The following CEP162 variants were observed in gnomAD, a reference collection of about 807,000 sequenced individuals.
The protein encoded by CEP162 is centrosomal protein of 162 kDa.
In CEP162, 141 loss-of-function variants were observed where a neutral mutation model predicts 169.2. The observed-to-expected ratio is 0.83, with a 90% CI of 0.73 to 0.96. CEP162 has a LOEUF of 0.96. Among genes scored for constraint, CEP162 ranks in the 40% least tolerant of loss-of-function variants. CEP162 has a pLI of 0.00. For synonymous variants in CEP162, 540 were observed against 526.4 expected (o/e 1.03, Z -0.35); for missense variants, 1,600 against 1,587.2 (o/e 1.01, Z -0.14).
intron 2 of CEP162, among the ~76,000 whole-genome samples, chr6:84,223,233 G>C (rs2127758856): frequency 6.6e-6 from 1 of 152,272 alleles, no homozygotes; most frequent in East Asian, 1.9e-4. Context: ...GGGCGTGGTG[G>C]CTCACACCTG....
At chr6:84,162,779 G>A (rs889083545) in intron 19 of CEP162, among the ~76,000 whole-genome samples, 1 of 152,080 alleles carries the variant, frequency 6.6e-6, no homozygotes, top group Non-Finnish European at 1.5e-5. Flanking sequence ...ATAAAACCCA[G>A]TGCACTACTA....
intron 6 of CEP162, among the ~76,000 whole-genome samples, chr6:84,208,977 G>A (rs2099548405): frequency 6.6e-6 from 1 of 152,230 alleles, no homozygotes; most frequent in African/African-American, 2.4e-5. Flanking sequence ...GGAAAGAGGA[G>A]ATATGGGAGA....
chr6:84,163,819 G>C (rs2099526703), intron 18 of CEP162, among the ~76,000 whole-genome samples: 1 of 151,686 alleles, frequency 6.6e-6, no homozygotes, highest in Non-Finnish European at 1.5e-5. Flanking sequence ...TACAAAATTA[G>C]CCAGGCAAGG....
At chr6:84,155,640 G>A (rs1475738495) in intron 21 of CEP162, 130 bp from the exon 22 acceptor site, 6 of 639,044 alleles carry the variant, frequency 9.4e-6, no homozygotes, top group Admixed American at 3.0e-5. Flanking sequence ...ATCTTGCTGA[G>A]GACCAAATCA....
chr6:84,192,831 A>G (rs995990902), intron 11 of CEP162, among the ~76,000 whole-genome samples: 6 of 152,212 alleles, frequency 3.9e-5, no homozygotes, highest in Admixed American at 2.0e-4. Flanking sequence ...TTAGGCTTCA[A>G]TCTTCTTGTC....
chr6:84,134,919 T>C (rs59633323), intron 25 of CEP162, among the ~76,000 whole-genome samples: 2,565 of 148,426 alleles, frequency 0.017, 135 homozygotes, highest in African/African-American at 0.058. Context: ...AGATCATATA[T>C]ACACACACAC....
At chr6:84,189,135 TCTGCCTCTTGGGTTCAAGCGATTCTC>T (rs1376816101) in intron 11 of CEP162, among the ~76,000 whole-genome samples, 1 of 151,932 alleles carries the variant, frequency 6.6e-6, no homozygotes, top group East Asian at 1.9e-4. Flanking sequence ...CACTGAAACC[TCTGCCTCTTGGGTTCAAGCGATTCTC>T]CTGCCTCAGC....
intron 9 of CEP162, among the ~76,000 whole-genome samples, chr6:84,199,680 T>C (rs1235369134): frequency 6.6e-6 from 1 of 152,098 alleles, no homozygotes; most frequent in Non-Finnish European, 1.5e-5. Context: ...CCAGTATCCA[T>C]AGACTGCAAA....
intron 19 of CEP162, among the ~76,000 whole-genome samples, chr6:84,162,552 T>C (rs1002917372): frequency 6.6e-6 from 1 of 152,158 alleles, no homozygotes; most frequent in African/African-American, 2.4e-5. Flanking sequence ...CTCTAAGTTA[T>C]AGAACATACT....
intron 11 of CEP162, among the ~76,000 whole-genome samples, chr6:84,192,510 A>C (rs140008101): frequency 1.1e-3 from 160 of 152,348 alleles, no homozygotes; most frequent in Non-Finnish European, 1.8e-3. Context: ...TTAGCATTGA[A>C]GTGAATGAAT....
rs1356183445 is a variant in CEP162 at position 84,139,888 on chromosome 6, A to G, written c.3870+6799T>C. On this transcript the variant is annotated intron_variant, in intron 25 of 26. Transcript: ENST00000403245. ...GAGAAGGAGAATCACAGGACAGAACACAGACATAGGTCATATAAGCCTGTT... is the reference window on the plus strand; with the variant it reads ...GAGAAGGAGAATCACAGGACAGAACGCAGACATAGGTCATATAAGCCTGTT... Among the ~76,000 whole-genome samples the G allele has an allele frequency of 4.4e-5, 6 of 136,738 alleles. No homozygotes were observed. In the South Asian group the frequency reaches 1.3e-3, roughly 29 times the overall value. The allele number at this position is 136,738 out of a possible 152,430, so 89.7% of individuals were successfully genotyped here.
At chr6:84,177,587 C>T (rs1380670988) in intron 13 of CEP162, among the ~76,000 whole-genome samples, 1 of 152,132 alleles carries the variant, frequency 6.6e-6, no homozygotes, top group Non-Finnish European at 1.5e-5. Flanking sequence ...CTAGGCTGGA[C>T]TGCCATGGTG....
intron 25 of CEP162, among the ~76,000 whole-genome samples, chr6:84,128,857 G>A (rs1428315593): frequency 1.1e-4 from 8 of 74,532 alleles, no homozygotes; most frequent in Non-Finnish European, 1.6e-4. Flanking sequence ...CCAACCCCCC[G>A]ACAGGCCCCG....
chr6:84,152,871 T>C lies in CEP162; in HGVS notation c.3303A>G (p.Ile1101Met). 1 of 1,613,736 alleles carries C rather than the reference T, an allele frequency of 6.2e-7. No individual in the cohort carries two copies. The highest frequency in any genetic ancestry group is 8.5e-7 in the Non-Finnish European group (1 of 1,179,792). The stretch of plus-strand genomic sequence containing the variant: ...TCTCCACAGTTTTTGAGAGGTCTTG[T>C]ATTTCTCTCTTTTTTGCAGCCAGTT... ...NEELAAKKRE[I>M]QDLSKTVERL... Residue 1101 changes from isoleucine to methionine, a missense_variant, in exon 23 of 27, where the codon ATA becomes ATG. Physicochemically the swap from Ile to Met is conservative, Grantham distance 10. Transcript: ENST00000403245.
intron 18 of CEP162, among the ~76,000 whole-genome samples, chr6:84,168,172 T>A (rs1315322839): frequency 6.6e-6 from 1 of 152,208 alleles, no homozygotes; most frequent in Non-Finnish European, 1.5e-5. Flanking sequence ...AATGCTATGC[T>A]TGAAACCTTA....
At chr6:84,158,464 G>A (rs370438620) in intron 21 of CEP162, among the ~76,000 whole-genome samples, 2 of 152,156 alleles carry the variant, frequency 1.3e-5, no homozygotes, top group South Asian at 2.1e-4. Flanking sequence ...AGGCAAGATG[G>A]TTTGCTGGTG....
chr6:84,144,080 C>T (rs2099517815), intron 25 of CEP162, among the ~76,000 whole-genome samples: 1 of 151,912 alleles, frequency 6.6e-6, no homozygotes, highest in African/African-American at 2.4e-5. Context: ...TTGACAACTT[C>T]CTCAAATCAA....
At chr6:84,133,475 C>T (rs1410801423) in intron 25 of CEP162, among the ~76,000 whole-genome samples, 1 of 152,212 alleles carries the variant, frequency 6.6e-6, no homozygotes, top group Non-Finnish European at 1.5e-5. Context: ...TCTATAGAGG[C>T]AGGCAGGCTG....
Position 84,175,210 on chromosome 6 carries a change from C to T in CEP162, c.1797+4G>A. On this transcript the variant is annotated splice_donor_region_variant and intron_variant, in intron 14 of 26. Coordinates refer to ENST00000403245, the MANE Select transcript of CEP162 (RefSeq NM_014895.4). ...CATTATGATTATTAATTTTGAATAC[C>T]TACAGTCTGAAACTGAATACAGGAA... 6.6e-7 allele frequency: 1 copy of T among 1,506,322 alleles called. No individual in the cohort carries two copies. 93.3% of individuals were successfully genotyped at this position (1,506,322 alleles called of 1,614,324 possible).
Sources: allele counts gnomAD v4.1 joint callset (sites outside exome capture counted in the v4.1 genomes callset), GRCh38; gene constraint gnomAD v4.1.1; transcripts MANE v1.5; gene names NCBI Gene and HGNC (gene_info 2026-07-23, HGNC 2026-07-21).